The following BRSK1 variants were observed in gnomAD, a reference collection of about 807,000 sequenced individuals.
BRSK1 encodes BR serine/threonine kinase 1.
In BRSK1, 17 loss-of-function variants were observed where a neutral mutation model predicts 86.2. That is an observed-to-expected ratio of 0.20 (90% confidence interval 0.14 to 0.30). BRSK1 has a LOEUF of 0.30. Ranked by LOEUF, BRSK1 falls within the 10% of genes least tolerant of loss-of-function variation. BRSK1 has a pLI of 1.00. For synonymous variants in BRSK1, 464 were observed against 440.1 expected (o/e 1.05, Z -0.68); for missense variants, 719 against 1,071.9 (o/e 0.67, Z 4.60).
Position 55,302,988 on chromosome 19 carries a change from C to T in BRSK1, c.1028+121C>T. On this transcript the variant is annotated intron_variant, in intron 10 of 18. Coordinates refer to ENST00000309383, the MANE Select transcript of BRSK1 (RefSeq NM_032430.2). This position sits in a 1 kb window ranked among gnomAD's most constrained non-coding sequence, Gnocchi z 6.3. ...CTCTCATGGGGCATGGTTTGAAGCT[C>T]CCGCCTGGGAGTGATGGAACCAGCG... The T allele has an allele frequency of 1.5e-6, 2 of 1,328,272 alleles. No homozygotes were observed. Among genetic ancestry groups the T allele is most frequent in the South Asian group, 1.5e-5 (1 of 67,754 alleles). 82.3% of individuals were successfully genotyped at this position (1,328,272 alleles called of 1,614,324 possible).
At position 55,285,984 on chromosome 19, in the gene BRSK1, G is replaced by A. The variant is rs1024972769; in HGVS notation, c.137-1023G>A. Among the ~76,000 whole-genome samples the A allele has an allele frequency of 9.6e-5, 14 of 145,868 alleles. No homozygotes were observed. The East Asian group carries it at 1.7e-3, about 17-fold the overall frequency. On this transcript the variant is annotated intron_variant, in intron 1 of 18. Coordinates refer to ENST00000309383, the MANE Select transcript of BRSK1 (RefSeq NM_032430.2). ...AGGAGGGGCTGGGCCTGGAGTGCTG[G>A]GTCTGAGGGAGGAGGAACTGGGGGT...
rs1167699787 is a variant in BRSK1 at position 55,304,421 on chromosome 19, G to A, written c.1348-130G>A. The A allele has an allele frequency of 4.3e-6, 5 of 1,168,114 alleles. No individual in the cohort carries two copies. The highest frequency in any genetic ancestry group is 2.9e-4 in the Middle Eastern group (1 of 3,418). The allele number at this position is 1,168,114 out of a possible 1,614,324, so 72.4% of individuals were successfully genotyped here. A position where few individuals can be genotyped will look rare whatever the true frequency, so the allele number is the denominator to read the frequency against. On this transcript the variant is annotated intron_variant, in intron 13 of 18. Transcript: ENST00000309383. The surrounding 1 kb of genome is among the most constrained non-coding windows in gnomAD (Gnocchi z 5.2). ...CTATCCTTGCTCTGGGGCCTGGGAA[G>A]GAGGATACTTGGACTACAAGTTGCA...
Position 55,294,260 on chromosome 19 carries a change from C to G in BRSK1, c.609+13C>G. ...AGAGGTGATTAAGGTGAGTGAGGGG[C>G]GGATAGAGGGGAGAGGGGTGGAGGC... On this transcript the variant is annotated intron_variant, in intron 6 of 18. Coordinates refer to ENST00000309383, the MANE Select transcript of BRSK1 (RefSeq NM_032430.2). This position sits in a 1 kb window ranked among gnomAD's most constrained non-coding sequence, Gnocchi z 4.9. 1.2e-6 allele frequency: 2 copies of G among 1,613,880 alleles called. No homozygotes were observed. Among genetic ancestry groups the G allele is most frequent in the Non-Finnish European group, 1.7e-6 (2 of 1,179,950 alleles).
Position 55,302,615 on chromosome 19 carries a change from G to C in BRSK1, c.858-82G>C. 6.6e-7 allele frequency: 1 copy of C among 1,506,100 alleles called. No individual in the cohort carries two copies. The highest frequency in any genetic ancestry group is 9.0e-7 in the Non-Finnish European group (1 of 1,114,984). 93.3% of individuals were successfully genotyped at this position (1,506,100 alleles called of 1,614,324 possible). On this transcript the variant is annotated intron_variant, in intron 9 of 18. Transcript: ENST00000309383. The surrounding 1 kb of genome is among the most constrained non-coding windows in gnomAD (Gnocchi z 6.3). ...GGCCGGGGCCTAGACTCGGATTTCG[G>C]GGTCCGGGATCATTGAGTCTAGAAT...
At chr19:55,284,997 CT>C (rs2088287533) in intron 1 of BRSK1, among the ~76,000 whole-genome samples, 1 of 77,834 alleles carries the variant, frequency 1.3e-5, no homozygotes, top group Admixed American at 1.3e-4. Flanking sequence ...AGGAGAAGGG[CT>C]TGGGGGCCTG....
chr19:55,311,240 G>T (rs1325756603), intron 18 of BRSK1, among the ~76,000 whole-genome samples: 1 of 152,156 alleles, frequency 6.6e-6, no homozygotes, highest in Admixed American at 6.5e-5. Flanking sequence ...GGGATTACAG[G>T]CATGAGCCAC....
At position 55,305,346 on chromosome 19, in the gene BRSK1, C is replaced by T. The variant is rs1193263001; in HGVS notation, c.1743C>T (p.Ser581=). Reference sequence around the variant, plus strand: ...TCCCTACCGCTGAGGAGATGTCCAGCTTGACGCCAGAGTCCTCCCCGGAGT... The same window carrying T: ...TCCCTACCGCTGAGGAGATGTCCAGTTTGACGCCAGAGTCCTCCCCGGAGT... The part of the protein sequence containing the change: ...MQVPTAEEMS[S]LTPESSPELA... The change falls in exon 15 of 19, where the codon AGC becomes AGT. Residue 581 remains serine (S), a synonymous_variant. Transcript: ENST00000309383. 6.2e-7 allele frequency: 1 copy of T among 1,614,158 alleles called. No individual in the cohort carries two copies. Among genetic ancestry groups the T allele is most frequent in the Non-Finnish European group, 8.5e-7 (1 of 1,180,020 alleles).
chr19:55,305,622 G>C, intron 16 of BRSK1, 36 bp downstream of exon 16: 1 of 1,612,936 alleles, frequency 6.2e-7, no homozygotes, highest in Admixed American at 1.7e-5. Flanking sequence ...CCTGGCCCCC[G>C]CAGAACTACA....
intron 1 of BRSK1, among the ~76,000 whole-genome samples, chr19:55,285,167 G>A (rs986728724): frequency 3.3e-5 from 5 of 149,528 alleles, no homozygotes; most frequent in African/African-American, 9.9e-5. Context: ...GGACTCCTGA[G>A]TATGAAGGAA....
At position 55,306,678 on chromosome 19, in the gene BRSK1, T is replaced by C. The variant is rs1418256843; in HGVS notation, c.2089+228T>C. Among the ~76,000 whole-genome samples, 1 of 152,168 alleles carries C rather than the reference T, an allele frequency of 6.6e-6. No individual in the cohort carries two copies. The highest frequency in any genetic ancestry group is 1.9e-4 in the East Asian group (1 of 5,186). Reference sequence around the variant, plus strand: ...TTTACAGTGTAAATAATGAATGCATTATCTCCTTGAAGCTTCCAAGCAGCC... The same window carrying C: ...TTTACAGTGTAAATAATGAATGCATCATCTCCTTGAAGCTTCCAAGCAGCC... On this transcript the variant is annotated intron_variant, in intron 17 of 18. Transcript: ENST00000309383. This position sits in a 1 kb window ranked among gnomAD's most constrained non-coding sequence, Gnocchi z 4.7.
Position 55,306,224 on chromosome 19 carries a change from C to A in BRSK1, c.1891-28C>A. ...GCTGGGTATCCATTTCCTGGGCTCACCCCTTCCTGTGTTCCTACCTCGCTC... is the reference window on the plus strand; with the variant it reads ...GCTGGGTATCCATTTCCTGGGCTCAACCCTTCCTGTGTTCCTACCTCGCTC... On this transcript the variant is annotated intron_variant, in intron 16 of 18. Transcript: ENST00000309383. The surrounding 1 kb of genome is among the most constrained non-coding windows in gnomAD (Gnocchi z 4.7). The A allele has an allele frequency of 6.2e-7, 1 of 1,611,738 alleles. No homozygotes were observed. The highest frequency in any genetic ancestry group is 8.5e-7 in the Non-Finnish European group (1 of 1,178,690).
chr19:55,284,598 A>G lies in BRSK1; in HGVS notation c.136+20A>G. On this transcript the variant is annotated intron_variant, in intron 1 of 18. Coordinates refer to ENST00000309383, the MANE Select transcript of BRSK1 (RefSeq NM_032430.2). ...AGACAGGTGAGCCTAGCAGAAGGGG[A>G]CACCTGGGGCGGGGGGCAGGGTGGA... is the stretch of plus-strand genomic sequence containing the variant. The G allele has an allele frequency of 1.8e-6, 2 of 1,093,268 alleles. No homozygotes were observed. Among genetic ancestry groups the G allele is most frequent in the East Asian group, 6.5e-5 (1 of 15,314 alleles). 67.7% of individuals were successfully genotyped at this position (1,093,268 alleles called of 1,614,324 possible).
chr19:55,294,155 G>C lies in BRSK1; in HGVS notation c.575+22G>C, dbSNP rs201059652. 3 of 1,611,402 alleles carry C rather than the reference G, an allele frequency of 1.9e-6. No individual in the cohort carries two copies. The highest frequency in any genetic ancestry group is 1.7e-5 in the Admixed American group (1 of 59,920). On this transcript the variant is annotated intron_variant, in intron 5 of 18. Transcript: ENST00000309383. The surrounding 1 kb of genome is among the most constrained non-coding windows in gnomAD (Gnocchi z 4.9). ...GCGGGTGAGTGGGGACTGGGCTCCC[G>C]AGACCCTGGGCAGGGGTTTAGAAGC... is the stretch of plus-strand genomic sequence containing the variant.
rs1331635407 is a variant in BRSK1 at position 55,305,056 on chromosome 19, G to A, written c.1717+136G>A. On this transcript the variant is annotated intron_variant, in intron 14 of 18. Transcript: ENST00000309383. ...GATTCCCACGTTCTAGAGAAGAGGG[G>A]GTTTGAAGCAGAGGTGCACCTGTTG... The A allele has an allele frequency of 1.0e-5, 14 of 1,378,174 alleles. No homozygotes were observed. The East Asian group carries it at 2.4e-4, about 24-fold the overall frequency. 85.4% of individuals were successfully genotyped at this position (1,378,174 alleles called of 1,614,324 possible). A position where few individuals can be genotyped will look rare whatever the true frequency, so the allele number is the denominator to read the frequency against.
At chr19:55,301,768 GT>G in intron 8 of BRSK1, 110 bp downstream of exon 8, 1 of 1,323,994 alleles carries the variant, frequency 7.6e-7, no homozygotes, top group Non-Finnish European at 1.0e-6. Flanking sequence ...AGTCCCCAGG[GT>G]GACTGGGATC....
Position 55,301,586 on chromosome 19 carries a change from C to T in BRSK1, c.753C>T (p.Pro251=), listed in dbSNP as rs775943477. ...TGAAACGGGGCGTCTTCCACATGCC[C>T]CACTTCATTCCTCCAGATTGCCAGA... The part of the protein sequence containing the change: ...EKVKRGVFHM[P]HFIPPDCQSL... The change falls in exon 8 of 19, where the codon CCC becomes CCT. Residue 251 remains proline, a synonymous_variant. Transcript: ENST00000309383. The T allele has an allele frequency of 2.5e-6, 4 of 1,613,570 alleles. No homozygotes were observed. The East Asian group carries it at 6.7e-5, about 27-fold the overall frequency.
chr19:55,302,743 C>T lies in BRSK1; in HGVS notation c.904C>T (p.Arg302Cys), dbSNP rs768515985. ...CCCGTGCCTGGAGCCAGCCCCTGGCCGCCGGGTAGCCATGCGGAGCCTGCC... is the reference window on the plus strand; with the variant it reads ...CCCGTGCCTGGAGCCAGCCCCTGGCTGCCGGGTAGCCATGCGGAGCCTGCC... ...PDPCLEPAPG[R>C]RVAMRSLPSN... Residue 302 changes from arginine to cysteine, a missense_variant, in exon 10 of 19, where the codon CGC (arginine) becomes TGC (cysteine). This residue lies in a region of BRSK1 where 168 missense variants were observed against 246.3 expected (regional missense o/e 0.68). Transcript: ENST00000309383. The surrounding 1 kb of genome is among the most constrained non-coding windows in gnomAD (Gnocchi z 6.3). The T allele has an allele frequency of 7.4e-6, 12 of 1,612,932 alleles. No homozygotes were observed. In the Middle Eastern group the frequency reaches 5.0e-4, roughly 67 times the overall value.
At chr19:55,305,199 G>A in intron 14 of BRSK1, 122 bp from the exon 15 acceptor site, 4 of 1,368,688 alleles carry the variant, frequency 2.9e-6, no homozygotes, top group Non-Finnish European at 4.1e-6. Flanking sequence ...CAGGAGGGAT[G>A]GCTTGGCCGA....
chr19:55,311,791 G>A lies in BRSK1; in HGVS notation c.2180-120G>A, dbSNP rs1489862698. ...ACGGACTGGGCCTTATCAGGGATTGGAGCTAGAGCCTCGGGGTTACTGAGA... is the reference window on the plus strand; with the variant it reads ...ACGGACTGGGCCTTATCAGGGATTGAAGCTAGAGCCTCGGGGTTACTGAGA... On this transcript the variant is annotated intron_variant, in intron 18 of 18. Coordinates refer to ENST00000309383, the MANE Select transcript of BRSK1 (RefSeq NM_032430.2). 4 of 1,046,946 alleles carry A rather than the reference G, an allele frequency of 3.8e-6. No homozygotes were observed. In the East Asian group the frequency reaches 8.1e-5, roughly 21 times the overall value. 64.9% of individuals were successfully genotyped at this position (1,046,946 alleles called of 1,614,324 possible). A position where few individuals can be genotyped will look rare whatever the true frequency, so the allele number is the denominator to read the frequency against.
Sources: gnomAD v4.1 joint callset for allele counts (sites outside exome capture counted in the v4.1 genomes callset) on GRCh38, gnomAD v4.1.1 for gene constraint, gnomAD v4.1.1 regional missense constraint, Gnocchi (gnomAD v3.1) non-coding constraint, MANE v1.5 for transcripts, NCBI Gene and HGNC (gene_info 2026-07-23, HGNC 2026-07-21) for gene names.